The following NFAT5 variants were observed in gnomAD, a reference collection of about 807,000 sequenced individuals.
The protein encoded by NFAT5 is nuclear factor of activated T-cells 5.
NFAT5 carries 31 observed loss-of-function variants against 166.5 expected under a neutral mutation model. The observed-to-expected ratio is 0.19, with a 90% CI of 0.14 to 0.25. The LOEUF is 0.25. Among genes scored for constraint, NFAT5 ranks in the 10% least tolerant of loss-of-function variants. NFAT5 has a pLI of 1.00. For synonymous variants in NFAT5, 612 were observed against 639.7 expected (o/e 0.96, Z 0.65); for missense variants, 1,449 against 1,821.8 (o/e 0.80, Z 3.72).
At position 69,697,615 on chromosome 16, in the gene NFAT5, G is replaced by A. The variant is rs1430339951; in HGVS notation, c.*1264G>A. 2 of 152,546 alleles carry A rather than the reference G, an allele frequency of 1.3e-5. No individual in the cohort carries two copies. Among genetic ancestry groups the A allele is most frequent in the Non-Finnish European group, 2.9e-5 (2 of 68,030 alleles). The allele number at this position is 152,546 out of a possible 1,614,324, so 9.4% of individuals were successfully genotyped here. A position where few individuals can be genotyped will look rare whatever the true frequency, so the allele number is the denominator to read the frequency against. ...TTAGGCTTTACAGGGTTGTATCATT[G>A]ACTTAAAATGAAGAATTAACTTGTG... On this transcript the variant is annotated 3_prime_UTR_variant, in exon 15 of 15. Coordinates refer to ENST00000349945, the MANE Select transcript of NFAT5 (RefSeq NM_138713.4).
In NFAT5 at chr16:69,634,277, C is replaced by CAAA. The variant is rs745354566; in HGVS notation, c.253+7769_253+7771dup. ...CTGGCGATAGTGAGATTCCGACTCA[C>CAAA]AAAAAAAAAAAAAAAAAAAAAATCA... On this transcript the variant is annotated intron_variant, in intron 3 of 14. Transcript: ENST00000349945. Among the ~76,000 whole-genome samples the CAAA allele has an allele frequency of 2.8e-3, 239 of 83,890 alleles. 1 individual carries two copies. Among genetic ancestry groups the CAAA allele is most frequent in the East Asian group, 7.6e-3 (20 of 2,634 alleles). The allele number at this position is 83,890 out of a possible 152,430, so 55.0% of individuals were successfully genotyped here.
chr16:69,589,314 C>A (rs1202684819), intron 2 of NFAT5, among the ~76,000 whole-genome samples: 1 of 152,074 alleles, frequency 6.6e-6, no homozygotes, highest in Admixed American at 6.6e-5. Context: ...TTTTTAGTAG[C>A]CCGTTGTTTG....
rs534458860 is a variant in NFAT5 at position 69,566,903 on chromosome 16, C to T, written c.73+529C>T. Among the ~76,000 whole-genome samples the T allele has an allele frequency of 6.6e-6, 1 of 152,186 alleles. No homozygotes were observed. The highest frequency in any genetic ancestry group is 2.4e-5 in the African/African-American group (1 of 41,448). Reference sequence around the variant, plus strand: ...TTTGCGCCGTCGTTCCACCCCCTCTCCCTCCGGCCTAGTCCACTCCCTCCC... The same window carrying T: ...TTTGCGCCGTCGTTCCACCCCCTCTTCCTCCGGCCTAGTCCACTCCCTCCC... On this transcript the variant is annotated intron_variant, in intron 1 of 14. Transcript: ENST00000349945. The surrounding 1 kb of genome is among the most constrained non-coding windows in gnomAD (Gnocchi z 5.7).
Position 69,684,872 on chromosome 16 carries a change from T to C in NFAT5, c.1691-15T>C. The C allele has an allele frequency of 6.4e-7, 1 of 1,570,492 alleles. No homozygotes were observed. The highest frequency in any genetic ancestry group is 1.2e-5 in the South Asian group (1 of 85,892). Reference sequence around the variant, plus strand: ...GAGTAAATGTAGATAAATACATTAATCTTTTTTTTAATAGCAGCAGCTGGT... The same window carrying C: ...GAGTAAATGTAGATAAATACATTAACCTTTTTTTTAATAGCAGCAGCTGGT... On this transcript the variant is annotated splice_polypyrimidine_tract_variant and intron_variant, in intron 10 of 14. Transcript: ENST00000349945.
At chr16:69,628,743 A>G (rs1398810536) in intron 3 of NFAT5, among the ~76,000 whole-genome samples, 2 of 152,180 alleles carry the variant, frequency 1.3e-5, no homozygotes, top group Admixed American at 6.5e-5. Flanking sequence ...GGAAAGGCAT[A>G]TTAATTTAGA....
intron 4 of NFAT5, among the ~76,000 whole-genome samples, chr16:69,653,001 T>G (rs2035737665): frequency 6.6e-6 from 1 of 152,320 alleles, no homozygotes. Flanking sequence ...TTTTCTTTTC[T>G]GTCAAACATA....
At chr16:69,612,296 A>T (rs913616559) in intron 2 of NFAT5, among the ~76,000 whole-genome samples, 1 of 152,226 alleles carries the variant, frequency 6.6e-6, no homozygotes, top group Non-Finnish European at 1.5e-5. Context: ...TTGGAGAAGT[A>T]GGAAATAGAT....
At chr16:69,682,489 A>G (rs552014106) in intron 10 of NFAT5, among the ~76,000 whole-genome samples, 1 of 150,946 alleles carries the variant, frequency 6.6e-6, no homozygotes, top group Non-Finnish European at 1.5e-5. Context: ...GCTTGGTGGC[A>G]TGCACCTGTA....
At chr16:69,624,618 C>G (rs1014700784) in intron 2 of NFAT5, among the ~76,000 whole-genome samples, 1 of 152,166 alleles carries the variant, frequency 6.6e-6, no homozygotes, top group Non-Finnish European at 1.5e-5. Flanking sequence ...TCCTCCTTAT[C>G]CCTATCCACA....
At chr16:69,604,999 T>C (rs2033329861) in intron 2 of NFAT5, among the ~76,000 whole-genome samples, 2 of 152,228 alleles carry the variant, frequency 1.3e-5, no homozygotes, top group Non-Finnish European at 2.9e-5. Flanking sequence ...GTGAATAGTG[T>C]TGCTGTTCAC....
chr16:69,608,728 C>A (rs1315418080), intron 2 of NFAT5, among the ~76,000 whole-genome samples: 1 of 151,706 alleles, frequency 6.6e-6, no homozygotes, highest in Non-Finnish European at 1.5e-5. Context: ...CATTCTCCTG[C>A]CTCAGCCTCC....
At chr16:69,605,976 G>A (rs958664181) in intron 2 of NFAT5, among the ~76,000 whole-genome samples, 3 of 152,170 alleles carry the variant, frequency 2.0e-5, no homozygotes, top group African/African-American at 7.2e-5. Flanking sequence ...GCCTCCCAAA[G>A]TGCTGGGATT....
chr16:69,626,570 A>G (rs779504981), intron 3 of NFAT5, 42 bp downstream of exon 3: 24 of 1,453,924 alleles, frequency 1.7e-5, no homozygotes, highest in Middle Eastern at 3.7e-4. Context: ...ACTAGGGCCA[A>G]TATAAATCTG....
intron 1 of NFAT5, among the ~76,000 whole-genome samples, chr16:69,567,756 GTAC>G (rs2142885720): frequency 6.6e-6 from 1 of 152,022 alleles, no homozygotes; most frequent in African/African-American, 2.4e-5. Flanking sequence ...ATTACCTGAG[GTAC>G]TTTAGAAATA....
chr16:69,566,268 C>G lies in NFAT5; in HGVS notation c.-34C>G. The G allele has an allele frequency of 6.3e-7, 1 of 1,584,130 alleles. No homozygotes were observed. Among genetic ancestry groups the G allele is most frequent in the South Asian group, 1.2e-5 (1 of 86,578 alleles). The stretch of plus-strand genomic sequence containing the variant: ...CGCCGCCACCGCCGCTCCCCCCCTC[C>G]CGCTGCCCTCGGGCCGGGCTGGGTC... On this transcript the variant is annotated 5_prime_UTR_variant, in exon 1 of 15. Transcript: ENST00000349945. This position sits in a 1 kb window ranked among gnomAD's most constrained non-coding sequence, Gnocchi z 5.7.
chr16:69,636,820 G>T (rs2034987892), intron 3 of NFAT5, among the ~76,000 whole-genome samples: 1 of 152,126 alleles, frequency 6.6e-6, no homozygotes, highest in African/African-American at 2.4e-5. Context: ...TGCCACAAAG[G>T]TCTCTGACAT....
chr16:69,619,957 T>G (rs1405299648), intron 2 of NFAT5, among the ~76,000 whole-genome samples: 2 of 152,246 alleles, frequency 1.3e-5, no homozygotes, highest in African/African-American at 4.8e-5. Flanking sequence ...TCCACCCTCT[T>G]GTAGACAGTG....
rs542338675 is a variant in NFAT5 at position 69,589,230 on chromosome 16, G to A, written c.127+20682G>A. Among the ~76,000 whole-genome samples, 6 of 152,090 alleles carry A rather than the reference G, an allele frequency of 3.9e-5. No individual in the cohort carries two copies. The East Asian group carries it at 1.2e-3, about 29-fold the overall frequency. ...GCTGGTCTTGAACTCCCAACCTCAG[G>A]TGATCCACCCACTGCAGCCTCCCAA... On this transcript the variant is annotated intron_variant, in intron 2 of 14. Coordinates refer to ENST00000349945, the MANE Select transcript of NFAT5 (RefSeq NM_138713.4).
At chr16:69,597,382 A>C (rs1237222456) in intron 2 of NFAT5, among the ~76,000 whole-genome samples, 1 of 152,162 alleles carries the variant, frequency 6.6e-6, no homozygotes, top group Admixed American at 6.5e-5. Flanking sequence ...ATATATATAT[A>C]TCTCTTGCGA....
Sources: allele counts gnomAD v4.1 joint callset (sites outside exome capture counted in the v4.1 genomes callset), GRCh38; gene constraint gnomAD v4.1.1; non-coding constraint Gnocchi (gnomAD v3.1); transcripts MANE v1.5; gene names NCBI Gene and HGNC (gene_info 2026-07-23, HGNC 2026-07-21).